Variants in RPTOR observed in about 807,000 individuals in gnomAD.
RPTOR encodes regulatory associated protein of MTOR complex 1.
A neutral mutation model predicts 169.9 loss-of-function variants in RPTOR; 21 were observed. That is an observed-to-expected ratio of 0.12 (90% CI 0.09 to 0.18). The LOEUF is 0.18. RPTOR is among the 10% of genes least tolerant of loss of function. RPTOR has a pLI of 1.00. For synonymous variants in RPTOR, 732 were observed against 753.2 expected, an observed-to-expected ratio of 0.97 and a Z score of 0.46; for missense variants, 1,133 against 1,855.9, an observed-to-expected ratio of 0.61 and a Z score of 7.16.
chr17:80,735,691 A>G (rs1260564759), intron 5 of RPTOR, among the ~76,000 whole-genome samples: 1 of 152,120 alleles, frequency 6.6e-6, no homozygotes, highest in Non-Finnish European at 1.5e-5. Context: ...GGCGGTAAAG[A>G]TAATAATGCC....
intron 1 of RPTOR, among the ~76,000 whole-genome samples, chr17:80,615,751 T>C (rs928989588): frequency 9.9e-5 from 15 of 152,176 alleles, no homozygotes; most frequent in African/African-American, 1.4e-4. Flanking sequence ...CTAATTTCCC[T>C]TCCTCCATTC....
chr17:80,898,350 GTTGT>G (rs1180944670), intron 20 of RPTOR, among the ~76,000 whole-genome samples: 1 of 152,022 alleles, frequency 6.6e-6, no homozygotes, highest in Non-Finnish European at 1.5e-5. Context: ...TATTCCTATT[GTTGT>G]TTATTTGCCT....
intron 1 of RPTOR, among the ~76,000 whole-genome samples, chr17:80,618,713 G>T (rs1212876062): frequency 6.6e-6 from 1 of 152,210 alleles, no homozygotes; most frequent in Non-Finnish European, 1.5e-5. Context: ...TCAAGGTAAC[G>T]AGCTGAGCTC....
chr17:80,771,565 C>T (rs2066843430), intron 6 of RPTOR, among the ~76,000 whole-genome samples: 1 of 152,186 alleles, frequency 6.6e-6, no homozygotes, highest in Non-Finnish European at 1.5e-5. Flanking sequence ...ACCTAGAACG[C>T]CCCCTCTCCT....
At position 80,861,606 on chromosome 17, in the gene RPTOR, A is replaced by C. The variant is rs540968982; in HGVS notation, c.1509+3706A>C. 1.9e-4 allele frequency among the ~76,000 whole-genome samples: 29 copies of C among 152,200 alleles called. No homozygotes were observed. The highest frequency in any genetic ancestry group is 4.0e-4 in the Non-Finnish European group (27 of 68,028). On this transcript the variant is annotated intron_variant, in intron 13 of 33. Coordinates refer to ENST00000306801, the MANE Select transcript of RPTOR (RefSeq NM_020761.3). The surrounding 1 kb of genome is among the most constrained non-coding windows in gnomAD (Gnocchi z 4.5). ...GGCACCTGGCCACGGATGAAGGACC[A>C]TGTGTAGGGGCTCTGGGATGCACAA... is the stretch of plus-strand genomic sequence containing the variant.
chr17:80,752,870 T>C (rs1230842753), intron 5 of RPTOR, among the ~76,000 whole-genome samples: 1 of 152,250 alleles, frequency 6.6e-6, no homozygotes, highest in African/African-American at 2.4e-5. Flanking sequence ...TTTCATTTGG[T>C]AAAAAGTGAA....
intron 3 of RPTOR, among the ~76,000 whole-genome samples, chr17:80,681,787 ATGAGGTGTACGTCTCTTACACCTTCT>A (rs796827564): frequency 0.086 from 5,214 of 60,824 alleles, 436 homozygotes; most frequent in African/African-American, 0.16. Flanking sequence ...TTACACCTTC[ATGAGGTGTACGTCTCTTACACCTTCT>A]TGAGGTTGAA....
Position 80,915,822 on chromosome 17 carries a change from C to T in RPTOR, c.2520+6893C>T, listed in dbSNP as rs546288013. Among the ~76,000 whole-genome samples, 20 of 150,320 alleles carry T rather than the reference C, an allele frequency of 1.3e-4. No individual in the cohort carries two copies. The South Asian group carries it at 3.2e-3, about 24-fold the overall frequency. ...GAGCAGACGTCGGGAAAACCAGCTG[C>T]GGAGAGGAGTTACCCACTCCAGGGT... On this transcript the variant is annotated intron_variant, in intron 21 of 33. Coordinates refer to ENST00000306801, the MANE Select transcript of RPTOR (RefSeq NM_020761.3).
intron 1 of RPTOR, among the ~76,000 whole-genome samples, chr17:80,565,252 T>G (rs193184558): frequency 8.8e-4 from 134 of 152,322 alleles, no homozygotes; most frequent in Non-Finnish European, 1.6e-3. Flanking sequence ...GAAGTGTCTC[T>G]TACATGGGAG....
chr17:80,692,989 G>A (rs991811025), intron 3 of RPTOR, among the ~76,000 whole-genome samples: 2 of 152,220 alleles, frequency 1.3e-5, no homozygotes, highest in Admixed American at 1.3e-4. Context: ...ATTTATATAC[G>A]CACACACGCA....
At chr17:80,634,650 A>G (rs62648833) in intron 2 of RPTOR, among the ~76,000 whole-genome samples, 6,099 of 16,374 alleles carry the variant, frequency 0.37, 835 homozygotes, top group African/African-American at 0.45. Context: ...TGCATACTGT[A>G]TGTGCGTACT....
At chr17:80,873,870 G>T (rs2068077258) in intron 13 of RPTOR, among the ~76,000 whole-genome samples, 2 of 152,324 alleles carry the variant, frequency 1.3e-5, no homozygotes, top group East Asian at 1.9e-4. Context: ...AGTGCGTCAG[G>T]CCCGGCAGGA....
intron 4 of RPTOR, among the ~76,000 whole-genome samples, chr17:80,729,590 A>C (rs1372825963): frequency 6.6e-6 from 1 of 152,212 alleles, no homozygotes; most frequent in Non-Finnish European, 1.5e-5. Context: ...GACTGAAATA[A>C]ATTTATACAG....
In RPTOR at chr17:80,651,813, C is replaced by T. The variant is rs190789083; in HGVS notation, c.348+8003C>T. ...CGGGTGGATCGTGAGGTCAGGAGAT[C>T]GAGACCATGGTGAAACCCTGTCTCT... On this transcript the variant is annotated intron_variant, in intron 3 of 33. Transcript: ENST00000306801. This position sits in a 1 kb window ranked among gnomAD's most constrained non-coding sequence, Gnocchi z 4.1. Among the ~76,000 whole-genome samples, 11 of 151,720 alleles carry T rather than the reference C, an allele frequency of 7.3e-5. No homozygotes were observed. The highest frequency in any genetic ancestry group is 5.3e-4 in the Admixed American group (8 of 15,236).
Position 80,823,324 on chromosome 17 carries a change from A to C in RPTOR, c.1136+101A>C. The C allele has an allele frequency of 6.9e-7, 1 of 1,449,762 alleles. No individual in the cohort carries two copies. The allele number at this position is 1,449,762 out of a possible 1,614,324, so 89.8% of individuals were successfully genotyped here. On this transcript the variant is annotated intron_variant, in intron 9 of 33. Transcript: ENST00000306801. The surrounding 1 kb of genome is among the most constrained non-coding windows in gnomAD (Gnocchi z 4.5). ...AGCTGGGCAGGGAGGCCCCACACCT[A>C]ACTTGGGGACCCCGTGTAGCATTAA...
intron 1 of RPTOR, among the ~76,000 whole-genome samples, chr17:80,604,141 AT>A (rs1160598895): frequency 1.3e-5 from 2 of 152,328 alleles, no homozygotes; most frequent in African/African-American, 4.8e-5. Context: ...ACAAGCGAAT[AT>A]TGACATGTAC....
chr17:80,710,567 TTGTA>T lies in RPTOR; in HGVS notation c.507+2572_507+2575del, dbSNP rs1304345480. 7.1e-3 allele frequency among the ~76,000 whole-genome samples: 782 copies of T among 110,634 alleles called. 8 individuals are homozygous for T. The highest frequency in any genetic ancestry group is 0.017 in the African/African-American group (535 of 31,830). 72.6% of individuals were successfully genotyped at this position (110,634 alleles called of 152,430 possible). On this transcript the variant is annotated intron_variant, in intron 4 of 33. Coordinates refer to ENST00000306801, the MANE Select transcript of RPTOR (RefSeq NM_020761.3). ...ATGTTGATTTGCCTCCCTTGGTTAT[TTGTA>T]TGTGTGTGTGTGTGTGTGTGTGTGT... is the stretch of plus-strand genomic sequence containing the variant.
At chr17:80,608,642 C>A (rs1390632017) in intron 1 of RPTOR, among the ~76,000 whole-genome samples, 11 of 152,144 alleles carry the variant, frequency 7.2e-5, no homozygotes, top group Non-Finnish European at 1.5e-4. Context: ...TGTGCCTAGA[C>A]AAAGGCTGGG....
intron 9 of RPTOR, among the ~76,000 whole-genome samples, chr17:80,835,834 A>G (rs2067557296): frequency 6.6e-6 from 1 of 152,230 alleles, no homozygotes; most frequent in Admixed American, 6.5e-5. Context: ...CAGGCATTTT[A>G]GAGAAGAGAT....
Sources: gnomAD v4.1 joint callset for allele counts (sites outside exome capture counted in the v4.1 genomes callset) on GRCh38, gnomAD v4.1.1 for gene constraint, Gnocchi (gnomAD v3.1) non-coding constraint, MANE v1.5 for transcripts, NCBI Gene and HGNC (gene_info 2026-07-23, HGNC 2026-07-21) for gene names.